Variants in DRC7 observed in about 807,000 individuals in gnomAD.
DRC7 encodes the protein coiled-coil domain containing 135.
A neutral mutation model predicts 104.4 loss-of-function variants in DRC7; 80 were observed. That is an observed-to-expected ratio of 0.77 (90% CI 0.64 to 0.92). The LOEUF (loss-of-function observed/expected upper bound fraction) is 0.92, where lower values mean the gene tolerates loss of function less well. Among genes scored for constraint, DRC7 ranks in the 40% least tolerant of loss-of-function variants. The probability of loss-of-function intolerance (pLI) is 0.00; values close to 1 mark genes in which losing one functional copy is unlikely to be tolerated. For synonymous variants in DRC7, 405 were observed against 447.3 expected (o/e 0.91, Z 1.19); for missense variants, 1,034 against 1,141.1 (o/e 0.91, Z 1.35).
chr16:57,698,902 AC>A lies in DRC7; in HGVS notation c.258del (p.Asn87ThrfsTer34). ...DISKLPISYK[T>X]NTPKEEHLLQ... Reference sequence around the variant, plus strand: ...CTCCAAGCTGCCCATTTCCTACAAAACCAACACACCCAAGGAGGAACACCTG... The same window carrying A: ...CTCCAAGCTGCCCATTTCCTACAAAACAACACACCCAAGGAGGAACACCTG... On this transcript the variant is annotated frameshift_variant, in exon 4 of 19. Transcript: ENST00000360716. LOFTEE classifies it high-confidence loss of function. The A allele has an allele frequency of 1.2e-6, 2 of 1,613,936 alleles. No homozygotes were observed. Among genetic ancestry groups the A allele is most frequent in the Non-Finnish European group, 1.7e-6 (2 of 1,179,948 alleles).
At chr16:57,723,451 T>C (rs1346183083) in intron 12 of DRC7, among the ~76,000 whole-genome samples, 1 of 152,176 alleles carries the variant, frequency 6.6e-6, no homozygotes, top group Non-Finnish European at 1.5e-5. Flanking sequence ...AAGGAGGCAG[T>C]GCCGGACACA....
rs199903829 is a variant in DRC7, at chr16:57,728,541, G to T, written c.2348G>T (p.Arg783Leu). 6.2e-7 allele frequency: 1 copy of T among 1,610,592 alleles called. No homozygotes were observed. The highest frequency in any genetic ancestry group is 8.5e-7 in the Non-Finnish European group (1 of 1,178,878). The part of the protein sequence containing the change: ...KDECLSDFKQ[R>L]LINKANLIQA... ...GAGTGCCTCAGCGACTTCAAGCAGCGGCTCATCAACAAGGCCAACCTCATC... is the reference window on the plus strand; with the variant it reads ...GAGTGCCTCAGCGACTTCAAGCAGCTGCTCATCAACAAGGCCAACCTCATC... Residue 783 changes from arginine (R) to leucine (L), a missense_variant, in exon 17 of 19, where the codon CGG becomes CTG. Arg to Leu is a moderately radical substitution (Grantham distance 102, BLOSUM62 -2). Coordinates refer to ENST00000360716, the MANE Select transcript of DRC7 (RefSeq NM_001289162.2).
At position 57,698,146 on chromosome 16, in the gene DRC7, A is replaced by C. The variant is rs769724264; in HGVS notation, c.197A>C (p.Glu66Ala). 1.9e-6 allele frequency: 3 copies of C among 1,613,988 alleles called. No individual in the cohort carries two copies. In the South Asian group the frequency reaches 3.3e-5, roughly 18 times the overall value. The change falls in exon 3 of 19, where the codon GAG becomes GCG. Residue 66 changes from glutamate to alanine, a missense_variant. Physicochemically the swap from Glu to Ala is moderately radical, Grantham distance 107. Transcript: ENST00000360716. ...GAGATCCAGATCACTGTCTCAGCGGAGCTCCCGTGAGTGTGGCAGGGTGGG... is the reference window on the plus strand; with the variant it reads ...GAGATCCAGATCACTGTCTCAGCGGCGCTCCCGTGAGTGTGGCAGGGTGGG... The part of the protein sequence containing the change: ...LSEIQITVSA[E>A]LPAFTKDTID...
At chr16:57,701,466 G>C (rs1188047818) in intron 5 of DRC7, 1 of 157,168 alleles carries the variant, frequency 6.4e-6, no homozygotes, top group African/African-American at 2.4e-5. Context: ...AGAGAGGGGA[G>C]GCCCGGCTGC....
Position 57,707,465 on chromosome 16 carries a change from G to A in DRC7, c.864G>A (p.Ala288=), listed in dbSNP as rs367969273. The change falls in exon 8 of 19, where the codon GCG becomes GCA. Residue 288 remains alanine, a synonymous_variant. Coordinates refer to ENST00000360716, the MANE Select transcript of DRC7 (RefSeq NM_001289162.2). The part of the protein sequence containing the change: ...LREEEERLME[A]EKAKPDALHG... ...CACCCACCTTTCCTTGGCAGGAAGC[G>A]GAGAAGGCAAAGCCGGATGCCCTGC... The A allele has an allele frequency of 9.3e-6, 15 of 1,611,280 alleles. No homozygotes were observed. The highest frequency in any genetic ancestry group is 4.5e-5 in the East Asian group (2 of 44,868).
intron 8 of DRC7, among the ~76,000 whole-genome samples, chr16:57,708,687 A>G (rs1244763708): frequency 6.6e-6 from 1 of 152,192 alleles, no homozygotes; most frequent in East Asian, 1.9e-4. Flanking sequence ...CGATTTCTCA[A>G]GTGATTGCAT....
At chr16:57,707,098 G>A (rs1474812209) in intron 7 of DRC7, among the ~76,000 whole-genome samples, 2 of 152,134 alleles carry the variant, frequency 1.3e-5, no homozygotes, top group Admixed American at 1.3e-4. Flanking sequence ...CAACAAGACA[G>A]TCACAGTTCT....
intron 11 of DRC7, 40 bp from the exon 12 acceptor site, chr16:57,722,958 AGGGG>A: frequency 6.2e-7 from 1 of 1,613,404 alleles, no homozygotes. Flanking sequence ...GTTGAAGGCT[AGGGG>A]AGCTGGCCTG....
At chr16:57,698,523 A>C (rs1016971739) in intron 3 of DRC7, among the ~76,000 whole-genome samples, 12 of 151,686 alleles carry the variant, frequency 7.9e-5, no homozygotes, top group African/African-American at 2.9e-4. Context: ...CCCCCCACCC[A>C]TGTCTACAAA....
intron 8 of DRC7, among the ~76,000 whole-genome samples, chr16:57,710,524 A>G (rs2048781700): frequency 6.6e-6 from 1 of 152,200 alleles, no homozygotes; most frequent in African/African-American, 2.4e-5. Flanking sequence ...TGGAATCATC[A>G]GTAAATGTTA....
intron 5 of DRC7, 79 bp downstream of exon 5, chr16:57,700,349 C>A: frequency 6.6e-7 from 1 of 1,526,178 alleles, no homozygotes. Flanking sequence ...CCATCCAAAC[C>A]CAAAGAATGG....
rs764385106 is a variant in DRC7 at position 57,726,917 on chromosome 16, A to T, written c.2060A>T (p.His687Leu). The part of the protein sequence containing the change: ...HLKREEKLSR[H>L]QVWESELEVL... ...AAGAGGGAGGAGAAGCTGTCCAGAC[A>T]TCAGGTCTGGGAGTCAGAGCTGGAG... Residue 687 changes from histidine to leucine, a missense_variant, in exon 15 of 19, where the codon CAT becomes CTT. Physicochemically the swap from His to Leu is moderately conservative, Grantham distance 99. Transcript: ENST00000360716. 4 of 1,611,128 alleles carry T rather than the reference A, an allele frequency of 2.5e-6. No individual in the cohort carries two copies. Among genetic ancestry groups the T allele is most frequent in the Non-Finnish European group, 3.4e-6 (4 of 1,178,010 alleles).
intron 12 of DRC7, among the ~76,000 whole-genome samples, chr16:57,723,368 G>T (rs1203421852): frequency 1.3e-5 from 2 of 152,166 alleles, no homozygotes; most frequent in African/African-American, 2.4e-5. Flanking sequence ...TAAAGGGGGC[G>T]CCACATACCC....
At chr16:57,695,153 C>T (rs1339484574) in intron 1 of DRC7, among the ~76,000 whole-genome samples, 1 of 151,844 alleles carries the variant, frequency 6.6e-6, no homozygotes, top group Non-Finnish European at 1.5e-5. Flanking sequence ...GTGGGTTCTT[C>T]TCCCCAGCTC....
Position 57,707,867 on chromosome 16 carries a change from G to A in DRC7, c.1077+189G>A, listed in dbSNP as rs2048750230. ...GAATAACCATTCTGATACGATTATT[G>A]TCTCTCCTGATTTGTGTATCCTTCT... is the stretch of plus-strand genomic sequence containing the variant. On this transcript the variant is annotated intron_variant, in intron 8 of 18. Coordinates refer to ENST00000360716, the MANE Select transcript of DRC7 (RefSeq NM_001289162.2). The A allele has an allele frequency of 4.1e-5, 25 of 616,522 alleles. No homozygotes were observed. The South Asian group carries it at 4.4e-4, about 11-fold the overall frequency. 38.2% of individuals were successfully genotyped at this position (616,522 alleles called of 1,614,324 possible). A position where few individuals can be genotyped will look rare whatever the true frequency, so the allele number is the denominator to read the frequency against.
chr16:57,701,683 G>C (rs2048659446), intron 5 of DRC7: 1 of 494,206 alleles, frequency 2.0e-6, no homozygotes, highest in African/African-American at 1.9e-5. Flanking sequence ...CACTCCTACA[G>C]TCCAGAAGGT....
chr16:57,700,981 A>C (rs538677453), intron 5 of DRC7, among the ~76,000 whole-genome samples: 2 of 152,238 alleles, frequency 1.3e-5, no homozygotes, highest in African/African-American at 4.8e-5. Context: ...TAAGTATTTG[A>C]CTTATGACCT....
At chr16:57,707,296 G>A (rs1271867779) in intron 7 of DRC7, among the ~76,000 whole-genome samples, 164 bp from the exon 8 acceptor site, 1 of 152,216 alleles carries the variant, frequency 6.6e-6, no homozygotes, top group East Asian at 1.9e-4. Flanking sequence ...GGGCTCAGTG[G>A]TTGGGTGATG....
chr16:57,705,237 C>T (rs967881292), intron 7 of DRC7, among the ~76,000 whole-genome samples: 4 of 152,116 alleles, frequency 2.6e-5, no homozygotes, highest in African/African-American at 9.7e-5. Flanking sequence ...CTCCTAACAT[C>T]AGGGCACTGT....
Sources: gnomAD v4.1 joint callset for allele counts (sites outside exome capture counted in the v4.1 genomes callset) on GRCh38, gnomAD v4.1.1 for gene constraint, MANE v1.5 for transcripts, NCBI Gene and HGNC (gene_info 2026-07-23, HGNC 2026-07-21) for gene names.